The following DENND1A variants were observed in gnomAD, a reference collection of about 807,000 sequenced individuals.
DENND1A encodes DENN domain-containing protein 1A.
DENND1A carries 51 observed loss-of-function variants against 113.7 expected under a neutral mutation model. That is an observed-to-expected ratio of 0.45 (90% CI 0.36 to 0.57). The LOEUF (loss-of-function observed/expected upper bound fraction) is 0.57, where lower values mean the gene tolerates loss of function less well. DENND1A is among the 20% of genes least tolerant of loss of function. The pLI is 0.00. For missense variants in DENND1A, 1,258 were observed against 1,395.9 expected (o/e 0.90, Z 1.57); for synonymous variants, 565 against 570.8 (o/e 0.99, Z 0.14).
intron 19 of DENND1A, among the ~76,000 whole-genome samples, chr9:123,417,947 G>C (rs1388227970): frequency 6.6e-6 from 1 of 152,072 alleles, no homozygotes; most frequent in African/African-American, 2.4e-5. Context: ...AATCAGACAA[G>C]AGTGAGGCTG....
At chr9:123,812,351 C>A (rs574327803) in intron 2 of DENND1A, among the ~76,000 whole-genome samples, 1 of 151,708 alleles carries the variant, frequency 6.6e-6, no homozygotes, top group Non-Finnish European at 1.5e-5. Flanking sequence ...CTATATAATT[C>A]TTTATTCTAT....
intron 13 of DENND1A, among the ~76,000 whole-genome samples, chr9:123,531,492 A>C (rs573832271): frequency 9.8e-4 from 149 of 151,784 alleles, no homozygotes; most frequent in Non-Finnish European, 1.7e-3. Context: ...TTTCACCCAG[A>C]TTACCCAAAA....
At chr9:123,673,362 C>T (rs535427972) in intron 6 of DENND1A, among the ~76,000 whole-genome samples, 1 of 152,286 alleles carries the variant, frequency 6.6e-6, no homozygotes, top group South Asian at 2.1e-4. Context: ...TGTTTTGATG[C>T]TCAAATTGTT....
intron 8 of DENND1A, among the ~76,000 whole-genome samples, chr9:123,659,350 A>G (rs2063118701): frequency 6.6e-6 from 1 of 152,218 alleles, no homozygotes; most frequent in Non-Finnish European, 1.5e-5. Context: ...CAAGCTTCAG[A>G]CATTCTGGTG....
chr9:123,529,745 T>C (rs2055144741), intron 13 of DENND1A, among the ~76,000 whole-genome samples: 1 of 152,200 alleles, frequency 6.6e-6, no homozygotes, highest in Non-Finnish European at 1.5e-5. Flanking sequence ...ACATTCATCT[T>C]CCCAATTCAT....
At chr9:123,720,549 A>G (rs1380646031) in intron 5 of DENND1A, among the ~76,000 whole-genome samples, 2 of 152,208 alleles carry the variant, frequency 1.3e-5, no homozygotes, top group African/African-American at 4.8e-5. Context: ...TTCATTCACC[A>G]AAATACAATC....
chr9:123,599,938 G>A lies in DENND1A; in HGVS notation c.765+9498C>T, dbSNP rs567124011. ...TGGTCACAAACCCATACCATGAGTC[G>A]GCTGAGCATGGTGTTAAACAAAACC... On this transcript the variant is annotated intron_variant, in intron 11 of 23. Transcript: ENST00000394215. 3.6e-4 allele frequency among the ~76,000 whole-genome samples: 54 copies of A among 152,096 alleles called. No individual in the cohort carries two copies. In the South Asian group the frequency reaches 5.0e-3, roughly 14 times the overall value.
At chr9:123,557,062 C>T (rs10986051) in intron 13 of DENND1A, among the ~76,000 whole-genome samples, 24,018 of 152,178 alleles carry the variant, frequency 0.16, 1,965 homozygotes, top group Admixed American at 0.2. Flanking sequence ...AGCCATGAGG[C>T]GTGAGACCCA....
chr9:123,918,638 T>C (rs1298019448), intron 1 of DENND1A, among the ~76,000 whole-genome samples: 1 of 152,158 alleles, frequency 6.6e-6, no homozygotes, highest in African/African-American at 2.4e-5. Flanking sequence ...AAAAATTACC[T>C]TTTGAAAATG....
intron 5 of DENND1A, among the ~76,000 whole-genome samples, chr9:123,699,054 G>A (rs1436285877): frequency 6.6e-6 from 1 of 151,978 alleles, no homozygotes; most frequent in East Asian, 1.9e-4. Context: ...ACAGGCATGT[G>A]ACTTAACCCG....
intron 10 of DENND1A, among the ~76,000 whole-genome samples, chr9:123,615,808 A>G (rs2060624537): frequency 6.6e-6 from 1 of 152,252 alleles, no homozygotes; most frequent in South Asian, 2.1e-4. Flanking sequence ...TGCCATGTGC[A>G]GAGCAGGAAG....
At chr9:123,572,102 A>G (rs2136366473) in intron 12 of DENND1A, among the ~76,000 whole-genome samples, 1 of 152,324 alleles carries the variant, frequency 6.6e-6, no homozygotes, top group South Asian at 2.1e-4. Context: ...CACCACAATC[A>G]AGATACAGAC....
At chr9:123,519,275 G>A (rs1429674632) in intron 13 of DENND1A, among the ~76,000 whole-genome samples, 1 of 152,108 alleles carries the variant, frequency 6.6e-6, no homozygotes, top group African/African-American at 2.4e-5. Flanking sequence ...TTGAAGGAGG[G>A]GATCATCTGT....
chr9:123,412,451 C>T (rs1023284389), intron 19 of DENND1A, among the ~76,000 whole-genome samples: 1 of 152,242 alleles, frequency 6.6e-6, no homozygotes, highest in Admixed American at 6.5e-5. Context: ...ATCCCTCACC[C>T]CTGCCCCCAC....
intron 13 of DENND1A, among the ~76,000 whole-genome samples, chr9:123,480,489 C>T (rs184950500): frequency 1.2e-4 from 19 of 152,272 alleles, no homozygotes; most frequent in Non-Finnish European, 1.6e-4. Context: ...CTTTTGCTCA[C>T]GGTATTCCCT....
chr9:123,553,586 G>A (rs2057253462), intron 13 of DENND1A, among the ~76,000 whole-genome samples: 1 of 152,188 alleles, frequency 6.6e-6, no homozygotes, highest in Admixed American at 6.5e-5. Flanking sequence ...ATACTGGATT[G>A]CTTTCTCAGG....
intron 9 of DENND1A, among the ~76,000 whole-genome samples, chr9:123,636,923 T>C (rs2061734319): frequency 6.6e-6 from 1 of 152,134 alleles, no homozygotes; most frequent in African/African-American, 2.4e-5. Context: ...CTCGAACTCC[T>C]GACCTCATGT....
chr9:123,651,386 G>GCACGTACA (rs1158109211), intron 9 of DENND1A, among the ~76,000 whole-genome samples: 2 of 152,190 alleles, frequency 1.3e-5, no homozygotes, highest in East Asian at 1.9e-4. Flanking sequence ...CTGAGCACAT[G>GCACGTACA]CACGTACACA....
chr9:123,692,002 G>C (rs1339014819), intron 5 of DENND1A, among the ~76,000 whole-genome samples: 4 of 152,162 alleles, frequency 2.6e-5, no homozygotes, highest in Admixed American at 1.3e-4. Flanking sequence ...TCCATTGTGA[G>C]ACATGGCAGG....
Sources: allele counts gnomAD v4.1 joint callset (sites outside exome capture counted in the v4.1 genomes callset), GRCh38; gene constraint gnomAD v4.1.1; transcripts MANE v1.5; gene names NCBI Gene and HGNC (gene_info 2026-07-23, HGNC 2026-07-21).